The following GUCY1A1 variants were observed in gnomAD, a reference collection of about 807,000 sequenced individuals.
GUCY1A1 encodes the protein guanylate cyclase 1 soluble subunit alpha 1, also known as guanylate cyclase soluble subunit alpha-1.
GUCY1A1 carries 48 observed loss-of-function variants against 64.5 expected under a neutral mutation model. The ratio of observed to expected loss-of-function variants is 0.74; its 90% CI spans 0.59 to 0.95. The LOEUF is 0.95. Among genes scored for constraint, GUCY1A1 ranks in the 40% least tolerant of loss-of-function variants. The pLI is 0.00. For synonymous variants in GUCY1A1, 308 were observed against 303.4 expected (o/e 1.02, Z -0.16); for missense variants, 804 against 825.3 (o/e 0.97, Z 0.32).
chr4:155,673,860 A>G (rs926102660), intron 2 of GUCY1A1, among the ~76,000 whole-genome samples: 5 of 151,504 alleles, frequency 3.3e-5, no homozygotes, highest in Admixed American at 2.6e-4. Context: ...CTGAACTTCC[A>G]AGCCTAAATT....
At chr4:155,672,469 T>C (rs905605445) in intron 2 of GUCY1A1, among the ~76,000 whole-genome samples, 2 of 152,192 alleles carry the variant, frequency 1.3e-5, no homozygotes, top group African/African-American at 4.8e-5. Flanking sequence ...TTCCTTTGTG[T>C]GACTTAAGAG....
At chr4:155,682,699 AGTGTGTGTGT>A (rs60103633) in intron 2 of GUCY1A1, among the ~76,000 whole-genome samples, 12 of 146,878 alleles carry the variant, frequency 8.2e-5, no homozygotes, top group Admixed American at 3.4e-4. Flanking sequence ...AAGAAAATTC[AGTGTGTGTGT>A]GTGTGTGTGT....
In GUCY1A1 at chr4:155,722,531, A is replaced by G. The variant is rs932333955; in HGVS notation, c.1871+339A>G. 19 of 735,740 alleles carry G rather than the reference A, an allele frequency of 2.6e-5. No homozygotes were observed. The Admixed American group carries it at 4.9e-4, about 19-fold the overall frequency. 45.6% of individuals were successfully genotyped at this position (735,740 alleles called of 1,614,324 possible). On this transcript the variant is annotated intron_variant, in intron 9 of 9. Transcript: ENST00000506455. The stretch of plus-strand genomic sequence containing the variant: ...TACACTGCAGTGCAGTTCTGGCAGT[A>G]AACACCCAGACTCAGCACAGTCATA...
chr4:155,668,118 A>T (rs981252423), intron 2 of GUCY1A1: 1 of 152,378 alleles, frequency 6.6e-6, no homozygotes, highest in Non-Finnish European at 1.5e-5. Flanking sequence ...AAGCGTGAGC[A>T]GGGGGCCACC....
chr4:155,720,359 CTAT>C (rs1733809688), intron 8 of GUCY1A1, among the ~76,000 whole-genome samples: 1 of 151,908 alleles, frequency 6.6e-6, no homozygotes, highest in Non-Finnish European at 1.5e-5. Context: ...ATCTATCTAT[CTAT>C]CTATCTATCT....
chr4:155,734,431 C>G lies in GUCY1A1; in HGVS notation c.*4200C>G, dbSNP rs918595829. On this transcript the variant is annotated 3_prime_UTR_variant, in exon 10 of 10. Coordinates refer to ENST00000506455, the MANE Select transcript of GUCY1A1 (RefSeq NM_001130682.3). ...GTGCATGGGTTTGACCCATGTAAATCATTTTAATAAGTAAAATTGAATCTT... is the reference window on the plus strand; with the variant it reads ...GTGCATGGGTTTGACCCATGTAAATGATTTTAATAAGTAAAATTGAATCTT... 5 of 151,952 alleles carry G rather than the reference C, an allele frequency of 3.3e-5. No homozygotes were observed. The highest frequency in any genetic ancestry group is 7.4e-5 in the Non-Finnish European group (5 of 67,932). The allele number at this position is 151,952 out of a possible 1,614,324, so 9.4% of individuals were successfully genotyped here. A position where few individuals can be genotyped will look rare whatever the true frequency, so the allele number is the denominator to read the frequency against.
intron 2 of GUCY1A1, among the ~76,000 whole-genome samples, chr4:155,682,113 C>G (rs1553994442): frequency 6.6e-6 from 1 of 152,012 alleles, no homozygotes; most frequent in Non-Finnish European, 1.5e-5. Context: ...CTTTTCCTGC[C>G]TCTTTCCCAC....
intron 6 of GUCY1A1, chr4:155,711,521 G>T: frequency 4.0e-6 from 1 of 248,490 alleles, no homozygotes; most frequent in Non-Finnish European, 7.7e-6. Context: ...TTTGATAAAT[G>T]TTTATATAAA....
intron 6 of GUCY1A1, among the ~76,000 whole-genome samples, chr4:155,712,001 CA>C (rs1732633977): frequency 6.6e-6 from 1 of 151,918 alleles, no homozygotes; most frequent in South Asian, 2.1e-4. Context: ...TTGTTTAAAA[CA>C]AAAAAATGCT....
intron 4 of GUCY1A1, among the ~76,000 whole-genome samples, chr4:155,705,753 T>A (rs868480190): frequency 2.6e-5 from 4 of 152,184 alleles, no homozygotes; most frequent in Admixed American, 6.6e-5. Context: ...GTGGATCATA[T>A]GTGCTTGATT....
rs556479066 is a variant in GUCY1A1 at position 155,722,294 on chromosome 4, T to G, written c.1871+102T>G. 44 of 1,492,514 alleles carry G rather than the reference T, an allele frequency of 2.9e-5. No homozygotes were observed. The Middle Eastern group carries it at 7.4e-4, about 25-fold the overall frequency. The allele number at this position is 1,492,514 out of a possible 1,614,324, so 92.5% of individuals were successfully genotyped here. A position where few individuals can be genotyped will look rare whatever the true frequency, so the allele number is the denominator to read the frequency against. On this transcript the variant is annotated intron_variant, in intron 9 of 9. Transcript: ENST00000506455. ...CATTCTTCATAACTTTTTTCTTCCT[T>G]AGTCGTAAGGAAAAAAGAAACGTGA...
Position 155,710,676 on chromosome 4 carries a change from A to G in GUCY1A1, c.511A>G (p.Lys171Glu), listed in dbSNP as rs757879093. 6.2e-7 allele frequency: 1 copy of G among 1,614,080 alleles called. No individual in the cohort carries two copies. The highest frequency in any genetic ancestry group is 8.5e-7 in the Non-Finnish European group (1 of 1,179,988). Reference protein sequence around the residue: ...DFLNSFSTLLKQSSHCQEAGK... With the variant: ...DFLNSFSTLLEQSSHCQEAGK... ...TTTAAACAGCTTCAGTACCCTTCTG[A>G]AACAGAGCAGCCATTGCCAAGAAGC... Residue 171 changes from lysine (K) to glutamate (E), a missense_variant, in exon 6 of 10, where the codon AAA (lysine) becomes GAA (glutamate). Lys to Glu is a moderately conservative substitution (Grantham distance 56). Transcript: ENST00000506455.
chr4:155,732,657 G>A lies in GUCY1A1; in HGVS notation c.*2426G>A, dbSNP rs2110824591. Among the ~76,000 whole-genome samples, 1 of 151,934 alleles carries A rather than the reference G, an allele frequency of 6.6e-6. No homozygotes were observed. The highest frequency in any genetic ancestry group is 6.6e-5 in the Admixed American group (1 of 15,230). On this transcript the variant is annotated 3_prime_UTR_variant, in exon 10 of 10. Coordinates refer to ENST00000506455, the MANE Select transcript of GUCY1A1 (RefSeq NM_001130682.3). Reference sequence around the variant, plus strand: ...TAAGGGGCCCAAGTCAGAGCTTTGAGGTATTGAAGATGGAAAAATAGTGGA... The same window carrying A: ...TAAGGGGCCCAAGTCAGAGCTTTGAAGTATTGAAGATGGAAAAATAGTGGA...
chr4:155,691,824 C>A (rs1729778108), intron 2 of GUCY1A1, among the ~76,000 whole-genome samples: 1 of 151,996 alleles, frequency 6.6e-6, no homozygotes, highest in Non-Finnish European at 1.5e-5. Flanking sequence ...TTTAGGGGTA[C>A]AAGTGCAGTT....
At position 155,735,176 on chromosome 4, in the gene GUCY1A1, G is replaced by C. The variant is rs1735937194; in HGVS notation, c.*4945G>C. The C allele has an allele frequency of 6.6e-6, 1 of 151,812 alleles. No homozygotes were observed. The highest frequency in any genetic ancestry group is 2.4e-5 in the African/African-American group (1 of 41,358). The allele number at this position is 151,812 out of a possible 1,614,324, so 9.4% of individuals were successfully genotyped here. A position where few individuals can be genotyped will look rare whatever the true frequency, so the allele number is the denominator to read the frequency against. On this transcript the variant is annotated 3_prime_UTR_variant, in exon 10 of 10. Coordinates refer to ENST00000506455, the MANE Select transcript of GUCY1A1 (RefSeq NM_001130682.3). Reference sequence around the variant, plus strand: ...TTACAGCCACACCTGCATCTGTTTTGACTAGCCCACATAACCTACACATTT... The same window carrying C: ...TTACAGCCACACCTGCATCTGTTTTCACTAGCCCACATAACCTACACATTT...
rs754322170 is a variant in GUCY1A1 at position 155,713,453 on chromosome 4, C to T, written c.1442C>T (p.Thr481Ile). ...VVQAKKFSNV[T>I]MLFSDIVGFT... is the part of the protein sequence containing the mutation. ...CAAGCCAAGAAGTTCAGTAATGTCA[C>T]CATGCTCTTCTCAGACATCGTTGGG... Residue 481 changes from threonine to isoleucine, a missense_variant, in exon 7 of 10, where the codon ACC (threonine) becomes ATC (isoleucine). Thr to Ile is a moderately conservative substitution (Grantham distance 89). Coordinates refer to ENST00000506455, the MANE Select transcript of GUCY1A1 (RefSeq NM_001130682.3). 8 of 1,614,026 alleles carry T rather than the reference C, an allele frequency of 5.0e-6. No individual in the cohort carries two copies. Among genetic ancestry groups the T allele is most frequent in the Admixed American group, 1.7e-5 (1 of 59,994 alleles).
intron 9 of GUCY1A1, among the ~76,000 whole-genome samples, chr4:155,726,180 C>G (rs1041699616): frequency 3.3e-5 from 5 of 151,814 alleles, no homozygotes; most frequent in Non-Finnish European, 7.4e-5. Flanking sequence ...AGTTTACTTT[C>G]TTTTTATTCT....
intron 9 of GUCY1A1, 191 bp downstream of exon 9, chr4:155,722,383 C>T (rs1734083359): frequency 1.4e-6 from 2 of 1,399,046 alleles, no homozygotes; most frequent in Non-Finnish European, 1.9e-6. Context: ...GAATGACTTG[C>T]CTGAGGTGTT....
intron 2 of GUCY1A1, among the ~76,000 whole-genome samples, chr4:155,693,397 C>G (rs538947868): frequency 1.6e-4 from 24 of 152,238 alleles, no homozygotes; most frequent in African/African-American, 5.8e-4. Flanking sequence ...ATCTCTACAA[C>G]CAACTATGTA....
Sources: gnomAD v4.1 joint callset for allele counts (sites outside exome capture counted in the v4.1 genomes callset) on GRCh38, gnomAD v4.1.1 for gene constraint, MANE v1.5 for transcripts, NCBI Gene and HGNC (gene_info 2026-07-23, HGNC 2026-07-21) for gene names.